The following DDX50 variants were observed in gnomAD, a reference collection of about 807,000 sequenced individuals.
The protein encoded by DDX50 is ATP-dependent RNA helicase DDX50.
A neutral mutation model predicts 94.8 loss-of-function variants in DDX50; 56 were observed. That is an observed-to-expected ratio of 0.59 (90% CI 0.48 to 0.74). The LOEUF is 0.74. DDX50 is among the 30% of genes least tolerant of loss of function. The probability of loss-of-function intolerance (pLI) is 0.00; values close to 1 mark genes in which losing one functional copy is unlikely to be tolerated. For synonymous variants in DDX50, 264 were observed against 295.4 expected (o/e 0.89, Z 1.09); for missense variants, 713 against 881.2 (o/e 0.81, Z 2.42).
At chr10:68,909,994 C>T (rs1410020762) in intron 2 of DDX50, among the ~76,000 whole-genome samples, 1 of 152,132 alleles carries the variant, frequency 6.6e-6, no homozygotes, top group Non-Finnish European at 1.5e-5. Context: ...AGTTTAAGAT[C>T]TGCCTGGATA....
At chr10:68,920,947 C>CAAAAAAAAA (rs11367137) in intron 8 of DDX50, among the ~76,000 whole-genome samples, 4 of 86,108 alleles carry the variant, frequency 4.6e-5, no homozygotes, top group Non-Finnish European at 4.8e-5. Flanking sequence ...GACTCCATCT[C>CAAAAAAAAA]AAAAAAAAAA....
intron 2 of DDX50, among the ~76,000 whole-genome samples, chr10:68,907,657 G>A (rs1841498714): frequency 6.6e-6 from 1 of 151,814 alleles, no homozygotes; most frequent in African/African-American, 2.4e-5. Context: ...TACGATAATT[G>A]CTGATATTCA....
intron 12 of DDX50, among the ~76,000 whole-genome samples, chr10:68,938,995 C>T (rs1842492482): frequency 6.6e-6 from 1 of 152,072 alleles, no homozygotes; most frequent in Non-Finnish European, 1.5e-5. Flanking sequence ...TGCCTTTATC[C>T]TCTTTTAAAC....
chr10:68,914,162 C>A lies in DDX50; in HGVS notation c.1047C>A (p.Asp349Glu). ...KYMKSRYEQVDLVGKMTQKAA... is the reference protein window; with the variant it reads ...KYMKSRYEQVELVGKMTQKAA... ...TGAAATCCAGATATGAACAGGTTGA[C>A]CTTGTTGGAAAAATGACTCAAAAGG... The change falls in exon 7 of 15, where the codon GAC becomes GAA. Residue 349 changes from aspartate to glutamate, a missense_variant. Physicochemically the swap from Asp to Glu is conservative, Grantham distance 45. Transcript: ENST00000373585. 2 of 1,610,738 alleles carry A rather than the reference C, an allele frequency of 1.2e-6. No individual in the cohort carries two copies. The highest frequency in any genetic ancestry group is 1.7e-6 in the Non-Finnish European group (2 of 1,178,902).
chr10:68,923,871 A>G (rs149977021), intron 8 of DDX50, among the ~76,000 whole-genome samples: 98 of 148,540 alleles, frequency 6.6e-4, no homozygotes, highest in African/African-American at 2.3e-3. Flanking sequence ...TTCATTCACA[A>G]TGGTATGCTT....
Position 68,906,852 on chromosome 10 carries a change from G to C in DDX50, c.229G>C (p.Gly77Arg), listed in dbSNP as rs1459877951. The C allele has an allele frequency of 1.2e-6, 2 of 1,613,026 alleles. No individual in the cohort carries two copies. The highest frequency in any genetic ancestry group is 1.7e-6 in the Non-Finnish European group (2 of 1,179,834). Residue 77 changes from glycine to arginine, a missense_variant, in exon 2 of 15, where the codon GGA (glycine) becomes CGA (arginine). Around this residue, in one of 2 missense-constraint regions of DDX50, gnomAD observed 285 missense variants for 278.9 expected, o/e 1.02. Transcript: ENST00000373585. ...GAAGCTAAATGGAGACACTGAAGAA[G>C]GATTTAATAGACTTTCAGATGAATT... is the stretch of plus-strand genomic sequence containing the variant. ...KEKLNGDTEE[G>R]FNRLSDEFSK...
At chr10:68,903,861 A>G (rs888974189) in intron 1 of DDX50, among the ~76,000 whole-genome samples, 3 of 151,702 alleles carry the variant, frequency 2.0e-5, no homozygotes, top group Non-Finnish European at 4.4e-5. Flanking sequence ...CTGTAATTCC[A>G]GCTACTCGGG....
chr10:68,922,870 C>G (rs931516877), intron 8 of DDX50, among the ~76,000 whole-genome samples: 3 of 149,504 alleles, frequency 2.0e-5, no homozygotes, highest in African/African-American at 7.4e-5. Flanking sequence ...TCACTGCAAC[C>G]TCTGTCTGCC....
intron 8 of DDX50, among the ~76,000 whole-genome samples, chr10:68,924,978 A>G (rs2132042396): frequency 6.6e-6 from 1 of 152,098 alleles, no homozygotes; most frequent in East Asian, 1.9e-4. Context: ...CCTTCCAGGT[A>G]GCTTTTCAGT....
chr10:68,928,059 T>G (rs189503060), intron 8 of DDX50, among the ~76,000 whole-genome samples: 2 of 152,216 alleles, frequency 1.3e-5, no homozygotes, highest in East Asian at 3.9e-4. Context: ...TTTTTGAAAT[T>G]AAAAGAATTT....
intron 7 of DDX50, among the ~76,000 whole-genome samples, chr10:68,915,499 C>T (rs547877763): frequency 2.7e-4 from 40 of 149,400 alleles, no homozygotes; most frequent in African/African-American, 9.4e-4. Flanking sequence ...GGGCAGATCA[C>T]GAGGTCAGGA....
At chr10:68,943,659 C>T (rs540799018) in intron 14 of DDX50, among the ~76,000 whole-genome samples, 1 of 152,140 alleles carries the variant, frequency 6.6e-6, no homozygotes, top group South Asian at 2.1e-4. Flanking sequence ...CTGAAACTCC[C>T]GACCTCAGGT....
chr10:68,906,949 A>G lies in DDX50; in HGVS notation c.326A>G (p.Lys109Arg). The change falls in exon 2 of 15, where the codon AAG (lysine) becomes AGG (arginine). Residue 109 changes from lysine to arginine, a missense_variant. Lys to Arg is a conservative substitution (Grantham distance 26). Coordinates refer to ENST00000373585, the MANE Select transcript of DDX50 (RefSeq NM_024045.2). ...ATAGATGAATATGAAAAAAAATCAA[A>G]GCGAGTATCATCTTTAGATACTTCT... is the stretch of plus-strand genomic sequence containing the variant. ...GDIDEYEKKSKRVSSLDTSTH... is the reference protein window; with the variant it reads ...GDIDEYEKKSRRVSSLDTSTH... 1 of 1,600,426 alleles carries G rather than the reference A, an allele frequency of 6.2e-7. No individual in the cohort carries two copies.
At chr10:68,921,774 A>AT (rs1196507876) in intron 8 of DDX50, among the ~76,000 whole-genome samples, 9 of 152,048 alleles carry the variant, frequency 5.9e-5, no homozygotes, top group African/African-American at 2.2e-4. Context: ...CTTGGTTCAC[A>AT]TTTTCTTTCC....
intron 3 of DDX50, 80 bp from the exon 4 acceptor site, chr10:68,910,988 A>G (rs1257320497): frequency 8.8e-7 from 1 of 1,130,844 alleles, no homozygotes; most frequent in East Asian, 2.6e-5. Flanking sequence ...TAGAAGAATT[A>G]TGATTGTCAT....
Position 68,913,240 on chromosome 10 carries a change from G to A in DDX50, c.718G>A (p.Val240Met), listed in dbSNP as rs1019618939. Residue 240 changes from valine to methionine, a missense_variant, in exon 5 of 15, where the codon GTG (valine) becomes ATG (methionine). Transcript: ENST00000373585. ...CAAAGATATAACTAGGAAACTCAGC[G>A]TGGCGTGTTTTTATGGTGGAACATC... ...DFKDITRKLSVACFYGGTSYQ... is the reference protein window; with the variant it reads ...DFKDITRKLSMACFYGGTSYQ... 5.0e-6 allele frequency: 8 copies of A among 1,613,402 alleles called. No homozygotes were observed. The highest frequency in any genetic ancestry group is 1.1e-5 in the South Asian group (1 of 90,748).
At chr10:68,909,736 C>T (rs572685362) in intron 2 of DDX50, among the ~76,000 whole-genome samples, 11 of 152,216 alleles carry the variant, frequency 7.2e-5, no homozygotes, top group Admixed American at 4.6e-4. Flanking sequence ...AATCTCGGCT[C>T]ACTACAACCT....
At chr10:68,913,095 C>A in intron 4 of DDX50, 67 bp from the exon 5 acceptor site, 1 of 1,331,952 alleles carries the variant, frequency 7.5e-7, no homozygotes, top group South Asian at 1.4e-5. Flanking sequence ...TAAAAAAAGT[C>A]TTCTTGGTTT....
At chr10:68,907,107 A>G (rs1032042453) in intron 2 of DDX50, 100 bp downstream of exon 2, 6 of 1,177,486 alleles carry the variant, frequency 5.1e-6, no homozygotes, top group Non-Finnish European at 3.5e-6. Flanking sequence ...ACATTTCTTG[A>G]TTAGTGTCTA....
Sources: allele counts gnomAD v4.1 joint callset (sites outside exome capture counted in the v4.1 genomes callset), GRCh38; gene constraint gnomAD v4.1.1; regional missense constraint gnomAD v4.1.1; transcripts MANE v1.5; gene names NCBI Gene and HGNC (gene_info 2026-07-23, HGNC 2026-07-21).